The following KPNA5 variants were observed in gnomAD, a reference collection of about 807,000 sequenced individuals.
KPNA5 encodes the protein importin subunit alpha-6.
Under a neutral mutation model 71.3 loss-of-function variants are expected in KPNA5, and 46 were observed. That is an observed-to-expected ratio of 0.65 (90% CI 0.51 to 0.83). KPNA5 has a LOEUF of 0.83. KPNA5 is among the 40% of genes least tolerant of loss of function. KPNA5 has a pLI of 0.00. For missense variants in KPNA5, 547 were observed against 628.3 expected (o/e 0.87, Z 1.38); for synonymous variants, 207 against 201.4 (o/e 1.03, Z -0.24).
In KPNA5 at chr6:116,727,465, A is replaced by G. The variant is rs369546396; in HGVS notation, c.1253+843A>G. Among the ~76,000 whole-genome samples the G allele has an allele frequency of 1.2e-4, 19 of 152,206 alleles. No homozygotes were observed. The South Asian group carries it at 3.5e-3, about 28-fold the overall frequency. ...CAATTAGTAACATCATAGCAATTACATTGTTTTAGGTATTATAAGTAATCT... is the reference window on the plus strand; with the variant it reads ...CAATTAGTAACATCATAGCAATTACGTTGTTTTAGGTATTATAAGTAATCT... On this transcript the variant is annotated intron_variant, in intron 12 of 13. Transcript: ENST00000368564.
rs1779874089 is a variant in KPNA5, at chr6:116,741,611, G to A, written c.*9288G>A. ...AAGATCAAGCATGAGCTTCCATGGT[G>A]AAGTCTTCTGTACCAATGCACCAGA... is the stretch of plus-strand genomic sequence containing the variant. On this transcript the variant is annotated 3_prime_UTR_variant, in exon 14 of 14. Coordinates refer to ENST00000368564, the MANE Select transcript of KPNA5 (RefSeq NM_001366306.2). 6.5e-6 allele frequency: 1 copy of A among 153,214 alleles called. No individual in the cohort carries two copies. Among genetic ancestry groups the A allele is most frequent in the Non-Finnish European group, 1.5e-5 (1 of 68,034 alleles). The allele number at this position is 153,214 out of a possible 1,614,324, so 9.5% of individuals were successfully genotyped here.
At chr6:116,683,069 TG>T (rs1338587440) in intron 1 of KPNA5, among the ~76,000 whole-genome samples, 1 of 152,238 alleles carries the variant, frequency 6.6e-6, no homozygotes, top group Admixed American at 6.5e-5. Flanking sequence ...CTTGGATTAA[TG>T]GTCTCATAAG....
chr6:116,693,732 T>G (rs1280704521), intron 4 of KPNA5, among the ~76,000 whole-genome samples: 1 of 152,068 alleles, frequency 6.6e-6, no homozygotes, highest in Non-Finnish European at 1.5e-5. Flanking sequence ...CAGAAGCTCT[T>G]TAGTTTAATT....
chr6:116,717,438 G>A (rs910345977), intron 8 of KPNA5, among the ~76,000 whole-genome samples: 3 of 152,044 alleles, frequency 2.0e-5, no homozygotes, highest in African/African-American at 7.3e-5. Context: ...GAGCTCTACT[G>A]TTACCACTAT....
At chr6:116,687,962 C>G (rs1777656025) in intron 1 of KPNA5, among the ~76,000 whole-genome samples, 1 of 152,184 alleles carries the variant, frequency 6.6e-6, no homozygotes, top group Non-Finnish European at 1.5e-5. Flanking sequence ...AACCATATGT[C>G]CTCTAACCTA....
chr6:116,731,901 C>T (rs1230304222), intron 13 of KPNA5, among the ~76,000 whole-genome samples: 2 of 151,446 alleles, frequency 1.3e-5, no homozygotes, highest in Admixed American at 6.6e-5. Flanking sequence ...GCCTATGGTC[C>T]TTCTTCGTAT....
chr6:116,698,303 A>C (rs575635389), intron 4 of KPNA5, among the ~76,000 whole-genome samples: 205 of 152,172 alleles, frequency 1.3e-3, no homozygotes, highest in African/African-American at 4.6e-3. Flanking sequence ...CATTAGGTAA[A>C]TTGTGGTTGA....
At chr6:116,713,539 T>C (rs550675754) in intron 7 of KPNA5, among the ~76,000 whole-genome samples, 2 of 152,340 alleles carry the variant, frequency 1.3e-5, no homozygotes, top group East Asian at 3.9e-4. Context: ...TTTGAGTTTA[T>C]CCTTAGAGTT....
At chr6:116,718,375 G>C (rs976321028) in intron 8 of KPNA5, among the ~76,000 whole-genome samples, 1 of 149,448 alleles carries the variant, frequency 6.7e-6, no homozygotes, top group South Asian at 2.1e-4. Flanking sequence ...CTATTCTCCT[G>C]CCCCAGCCTC....
chr6:116,704,923 A>C, intron 6 of KPNA5, 149 bp from the exon 7 acceptor site: 1 of 590,388 alleles, frequency 1.7e-6, no homozygotes, highest in South Asian at 2.4e-5. Context: ...TAAAAATATT[A>C]AATTGAATTT....
chr6:116,694,822 T>C (rs1777960383), intron 4 of KPNA5, among the ~76,000 whole-genome samples: 2 of 152,192 alleles, frequency 1.3e-5, no homozygotes, highest in African/African-American at 2.4e-5. Context: ...TTAAGCAATA[T>C]AAATTTCCTT....
rs1373258454 is a variant in KPNA5 at position 116,733,265 on chromosome 6, TAGTTTA to T, written c.*952_*957del. 1.4e-4 allele frequency: 20 copies of T among 146,618 alleles called. No homozygotes were observed. Among genetic ancestry groups the T allele is most frequent in the East Asian group, 4.2e-4 (2 of 4,756 alleles). 9.1% of individuals were successfully genotyped at this position (146,618 alleles called of 1,614,324 possible). A position where few individuals can be genotyped will look rare whatever the true frequency, so the allele number is the denominator to read the frequency against. On this transcript the variant is annotated 3_prime_UTR_variant, in exon 14 of 14. Coordinates refer to ENST00000368564, the MANE Select transcript of KPNA5 (RefSeq NM_001366306.2). ...AGTTTCATTTTCTGTATAATAGTAC[TAGTTTA>T]AGTTTAAGTACAAGTACAAGTTTAG...
intron 6 of KPNA5, among the ~76,000 whole-genome samples, chr6:116,704,561 C>G (rs1221061581): frequency 6.6e-6 from 1 of 152,046 alleles, no homozygotes; most frequent in Non-Finnish European, 1.5e-5. Flanking sequence ...CTTTGTTGAA[C>G]AGTATAGATA....
intron 1 of KPNA5, chr6:116,681,550 G>T (rs754075708): frequency 7.5e-7 from 1 of 1,339,356 alleles, no homozygotes; most frequent in Non-Finnish European, 9.6e-7. Context: ...ACGCGAAGGC[G>T]TGGTGAGTTC....
At chr6:116,683,547 T>C (rs1393743599) in intron 1 of KPNA5, among the ~76,000 whole-genome samples, 3 of 152,140 alleles carry the variant, frequency 2.0e-5, no homozygotes, top group Non-Finnish European at 4.4e-5. Flanking sequence ...AACATTGTTA[T>C]TAGTAAAGTT....
rs779399298 is a variant in KPNA5, at chr6:116,689,365, A to G, written c.50A>G (p.Tyr17Cys). 1.9e-6 allele frequency: 3 copies of G among 1,609,956 alleles called. No individual in the cohort carries two copies. The highest frequency in any genetic ancestry group is 1.3e-5 in the African/African-American group (1 of 74,780). ...AAAGATAACTATAGAATGAAAAGTTATAAGAATAAAGCCCTAAATCCTCAA... is the reference window on the plus strand; with the variant it reads ...AAAGATAACTATAGAATGAAAAGTTGTAAGAATAAAGCCCTAAATCCTCAA... ...PGKDNYRMKSYKNKALNPQEM... is the reference protein window; with the variant it reads ...PGKDNYRMKSCKNKALNPQEM... Residue 17 changes from tyrosine to cysteine, a missense_variant, in exon 2 of 14, where the codon TAT becomes TGT. Physicochemically the swap from Tyr to Cys is radical, Grantham distance 194. Transcript: ENST00000368564.
chr6:116,705,224 A>G (rs1778395920), intron 7 of KPNA5, 64 bp downstream of exon 7: 1 of 1,224,346 alleles, frequency 8.2e-7, no homozygotes, highest in African/African-American at 1.5e-5. Context: ...TTCTACATAC[A>G]TAATTAAGTT....
intron 5 of KPNA5, among the ~76,000 whole-genome samples, chr6:116,700,041 G>T (rs1158119389): frequency 1.3e-5 from 2 of 152,300 alleles, no homozygotes; most frequent in East Asian, 3.9e-4. Context: ...AACTTACTCT[G>T]TTTAGGGGAA....
chr6:116,725,909 C>T, intron 11 of KPNA5, 33 bp downstream of exon 11: 2 of 1,595,270 alleles, frequency 1.3e-6, no homozygotes, highest in Non-Finnish European at 1.7e-6. Flanking sequence ...AGTAGAACAG[C>T]AAGGTCTAAG....
Sources: gnomAD v4.1 joint callset for allele counts (sites outside exome capture counted in the v4.1 genomes callset) on GRCh38, gnomAD v4.1.1 for gene constraint, MANE v1.5 for transcripts, NCBI Gene and HGNC (gene_info 2026-07-23, HGNC 2026-07-21) for gene names.